Variants in ZNF700 observed in about 807,000 individuals in gnomAD.
ZNF700 encodes the protein zinc finger protein 700.
In ZNF700, 38 loss-of-function variants were observed where a neutral mutation model predicts 65.3. That is an observed-to-expected ratio of 0.58 (90% CI 0.45 to 0.76). ZNF700 has a LOEUF of 0.76. Among genes scored for constraint, ZNF700 ranks in the 30% least tolerant of loss-of-function variants. ZNF700 has a pLI of 0.00. For missense variants in ZNF700, 857 were observed against 888.4 expected (o/e 0.96, Z 0.45); for synonymous variants, 285 against 290.4 (o/e 0.98, Z 0.19).
intron 1 of ZNF700, among the ~76,000 whole-genome samples, chr19:11,928,320 T>C (rs1324079903): frequency 3.3e-5 from 5 of 152,232 alleles, no homozygotes; most frequent in Admixed American, 6.5e-5. Context: ...GGTTTACTTT[T>C]TTCCCCCAGA....
chr19:11,947,750 A>G (rs1262467802), intron 3 of ZNF700, among the ~76,000 whole-genome samples, 176 bp downstream of exon 3: 1 of 152,258 alleles, frequency 6.6e-6, no homozygotes, highest in Non-Finnish European at 1.5e-5. Context: ...TCACTCCTGT[A>G]ATCCCAGTCC....
At position 11,949,408 on chromosome 19, in the gene ZNF700, C is replaced by A; in HGVS notation, c.1384C>A (p.Arg462=). The A allele has an allele frequency of 6.2e-7, 1 of 1,613,610 alleles. No individual in the cohort carries two copies. The change falls in exon 4 of 4, where the codon CGA becomes AGA. Residue 462 remains arginine (R), a synonymous_variant. Transcript: ENST00000254321. ...GKAFRSTSHL[R]VHGRTHTGEK... ...AGCCTTCAGATCTACCTCACACCTT[C>A]GAGTGCATGGTAGGACTCATACTGG...
At chr19:11,927,709 T>C (rs1012805264) in intron 1 of ZNF700, among the ~76,000 whole-genome samples, 3 of 152,198 alleles carry the variant, frequency 2.0e-5, no homozygotes, top group Non-Finnish European at 4.4e-5. Flanking sequence ...TATAATTATC[T>C]TGAAAGCACA....
At position 11,931,919 on chromosome 19, in the gene ZNF700, CACCCT is replaced by C. The variant is rs574864801; in HGVS notation, c.63+6647_63+6651del. Among the ~76,000 whole-genome samples the C allele has an allele frequency of 4.1e-5, 6 of 147,916 alleles. No individual in the cohort carries two copies. In the East Asian group the frequency reaches 9.7e-4, roughly 24 times the overall value. ...TAGCCTGAGTTCAGGAGTTCAAGATCACCCTGACGAGCATGGAGAAACCCCATCTC... is the reference window on the plus strand; with the variant it reads ...TAGCCTGAGTTCAGGAGTTCAAGATCGACGAGCATGGAGAAACCCCATCTC... On this transcript the variant is annotated intron_variant, in intron 1 of 3. Coordinates refer to ENST00000254321, the MANE Select transcript of ZNF700 (RefSeq NM_144566.3).
chr19:11,944,309 G>T (rs1265090580), intron 1 of ZNF700, among the ~76,000 whole-genome samples: 2 of 143,874 alleles, frequency 1.4e-5, no homozygotes, highest in Non-Finnish European at 2.9e-5. Flanking sequence ...TTCTAGAAGG[G>T]GTAAATTTAA....
chr19:11,947,424 A>T, intron 2 of ZNF700, 90 bp from the exon 3 acceptor site: 1 of 1,600,710 alleles, frequency 6.2e-7, no homozygotes, highest in Non-Finnish European at 8.5e-7. Context: ...TAAATGAGGC[A>T]TGGCTGCAGT....
chr19:11,948,606 T>C lies in ZNF700; in HGVS notation c.582T>C (p.Tyr194=), dbSNP rs1352874727. ...QERDHTGEKP[Y]ACKVCGKTFI... ...GGGATCACACTGGAGAGAAACCCTA[T>C]GCTTGTAAAGTCTGTGGAAAAACCT... Residue 194 remains tyrosine (Y), a synonymous_variant, in exon 4 of 4, where the codon TAT becomes TAC. Transcript: ENST00000254321. The C allele has an allele frequency of 1.2e-6, 2 of 1,610,448 alleles. No homozygotes were observed. The highest frequency in any genetic ancestry group is 1.3e-5 in the African/African-American group (1 of 74,488).
rs550266539 is a variant in ZNF700, at chr19:11,946,113, T to C, written c.64-1068T>C. Among the ~76,000 whole-genome samples the C allele has an allele frequency of 2.0e-5, 3 of 152,314 alleles. No homozygotes were observed. The East Asian group carries it at 5.8e-4, about 29-fold the overall frequency. On this transcript the variant is annotated intron_variant, in intron 1 of 3. Transcript: ENST00000254321. ...CTGGTCCCCCTTAGTCCAGTAGCCC[T>C]TCTGCCAGATTAAACAAGGCCCTTT...
intron 1 of ZNF700, among the ~76,000 whole-genome samples, chr19:11,926,075 AG>A (rs529356996): frequency 5.3e-5 from 8 of 152,094 alleles, no homozygotes; most frequent in Non-Finnish European, 8.8e-5. Context: ...AGTTTGGAGG[AG>A]GTAGGAAGGA....
intron 1 of ZNF700, among the ~76,000 whole-genome samples, chr19:11,932,919 G>A (rs1431256566): frequency 6.7e-6 from 1 of 148,454 alleles, no homozygotes; most frequent in Non-Finnish European, 1.5e-5. Flanking sequence ...TTACAGGCGT[G>A]AGCCACTGCA....
At chr19:11,937,210 C>T (rs1196849568) in intron 1 of ZNF700, among the ~76,000 whole-genome samples, 1 of 152,160 alleles carries the variant, frequency 6.6e-6, no homozygotes. Context: ...GTGAGTTTTG[C>T]ATTTTCCATT....
intron 1 of ZNF700, among the ~76,000 whole-genome samples, chr19:11,942,875 A>G: frequency 6.6e-6 from 1 of 152,166 alleles, no homozygotes; most frequent in South Asian, 2.1e-4. Flanking sequence ...GTTCTGAGGT[A>G]TGAGACAATA....
intron 1 of ZNF700, among the ~76,000 whole-genome samples, chr19:11,940,461 C>T (rs925723731): frequency 1.3e-5 from 2 of 151,504 alleles, no homozygotes; most frequent in African/African-American, 2.4e-5. Flanking sequence ...TGCAGACCTT[C>T]GTGGTGAGTG....
intron 1 of ZNF700, among the ~76,000 whole-genome samples, chr19:11,937,109 T>C (rs895029230): frequency 8.5e-5 from 13 of 152,214 alleles, no homozygotes; most frequent in African/African-American, 3.1e-4. Context: ...GATTTTCTCA[T>C]TCACAGATCA....
At chr19:11,932,635 A>AT (rs750423524) in intron 1 of ZNF700, among the ~76,000 whole-genome samples, 29,105 of 116,744 alleles carry the variant, frequency 0.25, 4,859 homozygotes, top group Non-Finnish European at 0.3. Context: ...CCAATATGTG[A>AT]TTTTTTTTTT....
chr19:11,926,038 C>A (rs921649399), intron 1 of ZNF700, among the ~76,000 whole-genome samples: 3 of 152,046 alleles, frequency 2.0e-5, no homozygotes, highest in Non-Finnish European at 4.4e-5. Context: ...TAGGTGGCAG[C>A]TGGTTGAGAG....
intron 3 of ZNF700, among the ~76,000 whole-genome samples, 184 bp from the exon 4 acceptor site, chr19:11,948,092 T>G (rs1219411353): frequency 6.6e-6 from 1 of 152,230 alleles, no homozygotes; most frequent in African/African-American, 2.4e-5. Context: ...ATGAATATTT[T>G]TTTAAACAAT....
Position 11,949,712 on chromosome 19 carries a change from C to A in ZNF700, c.1688C>A (p.Pro563His), listed in dbSNP as rs1274568280. The A allele has an allele frequency of 6.2e-7, 1 of 1,613,936 alleles. No individual in the cohort carries two copies. Among genetic ancestry groups the A allele is most frequent in the Non-Finnish European group, 8.5e-7 (1 of 1,179,996 alleles). ...GAAAGGACTCACACTGGAGAGAAAC[C>A]CTATGAGTGTAAGCAATGTGGGAAA... ...YHERTHTGEK[P>H]YECKQCGKAF... Residue 563 changes from proline (P) to histidine (H), a missense_variant, in exon 4 of 4, where the codon CCC becomes CAC. This residue lies in a region of ZNF700 where 251 missense variants were observed against 250.3 expected (regional missense o/e 1.00). Coordinates refer to ENST00000254321, the MANE Select transcript of ZNF700 (RefSeq NM_144566.3).
rs80111610 is a variant in ZNF700 at position 11,942,562 on chromosome 19, G to A, written c.64-4619G>A. Among the ~76,000 whole-genome samples, 1,444 of 152,186 alleles carry A rather than the reference G, an allele frequency of 9.5e-3. 20 individuals are homozygous for A. The highest frequency in any genetic ancestry group is 0.033 in the African/African-American group (1,354 of 41,512). On this transcript the variant is annotated intron_variant, in intron 1 of 3. Transcript: ENST00000254321. ...TCAGCAGACTTGCGTCTTAAAAACC[G>A]AGCTCCCAGAGAGAGAGAAATTCCT...
Sources: gnomAD v4.1 joint callset for allele counts (sites outside exome capture counted in the v4.1 genomes callset) on GRCh38, gnomAD v4.1.1 for gene constraint, gnomAD v4.1.1 regional missense constraint, MANE v1.5 for transcripts, NCBI Gene and HGNC (gene_info 2026-07-23, HGNC 2026-07-21) for gene names.